The following LINGO2 variants were observed in gnomAD, a reference collection of about 807,000 sequenced individuals.
The protein encoded by LINGO2 is leucine rich repeat and Ig domain containing 2, also known as leucine-rich repeat and immunoglobulin-like domain-containing nogo receptor-interacting protein 2.
In LINGO2, 14 loss-of-function variants were observed where a neutral mutation model predicts 30.6. The observed-to-expected ratio is 0.46, with a 90% CI of 0.30 to 0.72. LINGO2 has a LOEUF of 0.72. Ranked by LOEUF, LINGO2 falls within the 30% of genes least tolerant of loss-of-function variation. The pLI is 0.07. For synonymous variants in LINGO2, 317 were observed against 288.5 expected (o/e 1.10, Z -1.00); for missense variants, 729 against 751.7 (o/e 0.97, Z 0.35).
intron 1 of LINGO2, among the ~76,000 whole-genome samples, chr9:28,552,413 T>C (rs1001622349): frequency 3.3e-5 from 5 of 152,118 alleles, no homozygotes; most frequent in African/African-American, 7.2e-5. Flanking sequence ...TTATAACTCA[T>C]ACTGTCTCAT....
At chr9:28,934,031 G>C in the LINGO2 span, among the ~76,000 whole-genome samples, 1 of 152,174 alleles carries the variant, frequency 6.6e-6, no homozygotes, top group Non-Finnish European at 1.5e-5. Flanking sequence ...AGGGACATAA[G>C]GTATAGGGGT....
the LINGO2 span, among the ~76,000 whole-genome samples, chr9:28,987,821 T>C: frequency 6.6e-6 from 1 of 152,196 alleles, no homozygotes; most frequent in Non-Finnish European, 1.5e-5. Context: ...ATTGTTTAAT[T>C]TCCATGTATT....
chr9:28,506,507 T>TATATATATATATATAC (rs1820142567), intron 1 of LINGO2, among the ~76,000 whole-genome samples: 1 of 38,798 alleles, frequency 2.6e-5, no homozygotes, highest in African/African-American at 8.9e-5. Flanking sequence ...CACACAGACA[T>TATATATATATATATAC]ATATATATAT....
the LINGO2 span, among the ~76,000 whole-genome samples, chr9:28,997,728 C>T: frequency 2.0e-5 from 3 of 151,788 alleles, no homozygotes; most frequent in Non-Finnish European, 4.4e-5. Flanking sequence ...GAGGCTGAGG[C>T]AGGAAAATGG....
At chr9:28,728,580 G>A in the LINGO2 span, among the ~76,000 whole-genome samples, 4 of 151,552 alleles carry the variant, frequency 2.6e-5, no homozygotes, top group Admixed American at 1.3e-4. Flanking sequence ...AAATTATTTC[G>A]GACTGAACTG....
chr9:28,243,752 G>C (rs1301890337), intron 4 of LINGO2, among the ~76,000 whole-genome samples: 4 of 152,070 alleles, frequency 2.6e-5, no homozygotes, highest in South Asian at 2.1e-4. Context: ...ATGGTAAAGA[G>C]AACAATTCAA....
the LINGO2 span, among the ~76,000 whole-genome samples, chr9:28,803,707 T>C: frequency 6.6e-6 from 1 of 151,902 alleles, no homozygotes; most frequent in Non-Finnish European, 1.5e-5. Flanking sequence ...GTCCAGATAA[T>C]GGCATTTCCC....
the LINGO2 span, among the ~76,000 whole-genome samples, chr9:29,014,546 G>T: frequency 5.3e-5 from 8 of 151,992 alleles, no homozygotes; most frequent in Non-Finnish European, 1.0e-4. Flanking sequence ...TTAGATAAAG[G>T]GCCATATTTT....
intron 2 of LINGO2, among the ~76,000 whole-genome samples, chr9:28,459,678 T>A (rs965142067): frequency 1.3e-5 from 2 of 151,912 alleles, no homozygotes; most frequent in African/African-American, 4.8e-5. Flanking sequence ...CACAATATTC[T>A]CGGTCCATAG....
downstream of LINGO2, among the ~76,000 whole-genome samples, chr9:27,946,233 G>T (rs1240545470): frequency 4.6e-5 from 7 of 152,092 alleles, no homozygotes; most frequent in Non-Finnish European, 8.8e-5. Flanking sequence ...GGCTCATATA[G>T]ATTTTGAATC....
chr9:28,055,143 CTT>C (rs1054404805), intron 4 of LINGO2, among the ~76,000 whole-genome samples: 14 of 152,234 alleles, frequency 9.2e-5, no homozygotes, highest in African/African-American at 2.9e-4. Context: ...ATGCTGAAGT[CTT>C]TTGTTTTCCT....
intron 1 of LINGO2, among the ~76,000 whole-genome samples, chr9:28,661,570 T>A (rs1828586593): frequency 6.6e-6 from 1 of 152,204 alleles, no homozygotes; most frequent in Non-Finnish European, 1.5e-5. Context: ...GTTGCTCTTT[T>A]GTTGTGAAAG....
the LINGO2 span, among the ~76,000 whole-genome samples, chr9:28,816,601 G>T: frequency 1.3e-4 from 19 of 152,000 alleles, no homozygotes; most frequent in Admixed American, 8.5e-4. Context: ...TTTACAAAGG[G>T]TCTGTGTCTC....
chr9:28,980,271 A>T, the LINGO2 span, among the ~76,000 whole-genome samples: 6 of 152,100 alleles, frequency 3.9e-5, no homozygotes, highest in Non-Finnish European at 8.8e-5. Flanking sequence ...AGAGTATTGC[A>T]GGAGGCTTCT....
chr9:29,169,418 T>A, the LINGO2 span, among the ~76,000 whole-genome samples: 1 of 150,596 alleles, frequency 6.6e-6, no homozygotes, highest in African/African-American at 2.5e-5. Flanking sequence ...TGGAAAGAAC[T>A]CAAACAACTC....
chr9:28,879,759 C>A, the LINGO2 span, among the ~76,000 whole-genome samples: 1 of 151,978 alleles, frequency 6.6e-6, no homozygotes, highest in African/African-American at 2.4e-5. Context: ...GTGAGTAGAT[C>A]TGGGTAAAAT....
intron 3 of LINGO2, among the ~76,000 whole-genome samples, chr9:28,346,154 A>C (rs1445987563): frequency 6.6e-6 from 1 of 152,112 alleles, no homozygotes; most frequent in Non-Finnish European, 1.5e-5. Flanking sequence ...TTATTTTGTT[A>C]CCCAGATACT....
the LINGO2 span, among the ~76,000 whole-genome samples, chr9:29,149,494 T>C: frequency 6.6e-6 from 1 of 151,962 alleles, no homozygotes; most frequent in East Asian, 2.0e-4. Flanking sequence ...CACCAAGAGT[T>C]GATAGAGAGG....
chr9:28,285,648 GC>G (rs1232831812), intron 4 of LINGO2, among the ~76,000 whole-genome samples: 1 of 151,902 alleles, frequency 6.6e-6, no homozygotes, highest in Non-Finnish European at 1.5e-5. Flanking sequence ...CTCGTGATCT[GC>G]CTGCCTCGGC....
Sources: gnomAD v4.1 joint callset for allele counts (sites outside exome capture counted in the v4.1 genomes callset) on GRCh38, gnomAD v4.1.1 for gene constraint, MANE v1.5 for transcripts, NCBI Gene and HGNC (gene_info 2026-07-23, HGNC 2026-07-21) for gene names.